WDFY4: variants seen among roughly 807,000 people sequenced by gnomAD.
WDFY4 encodes the protein WD repeat- and FYVE domain-containing protein 4.
WDFY4 carries 169 observed loss-of-function variants against 351.9 expected under a neutral mutation model. The ratio of observed to expected loss-of-function variants is 0.48; its 90% CI spans 0.42 to 0.55. The LOEUF is 0.55. WDFY4 is among the 20% of genes least tolerant of loss of function. The probability of loss-of-function intolerance (pLI) is 0.00; values close to 1 mark genes in which losing one functional copy is unlikely to be tolerated. For missense variants in WDFY4, 3,803 were observed against 3,935.6 expected, an observed-to-expected ratio of 0.97 and a Z score of 0.90; for synonymous variants, 1,622 against 1,574.6, an observed-to-expected ratio of 1.03 and a Z score of -0.71.
chr10:48,787,893 C>CCTTCTT lies in WDFY4; in HGVS notation c.3809-550_3809-545dup, dbSNP rs1182060101. Among the ~76,000 whole-genome samples the CCTTCTT allele has an allele frequency of 2.3e-3, 112 of 48,092 alleles. 1 individual carries two copies. Among genetic ancestry groups the CCTTCTT allele is most frequent in the Middle Eastern group, 9.3e-3 (1 of 108 alleles). The allele number at this position is 48,092 out of a possible 152,430, so 31.6% of individuals were successfully genotyped here. A position where few individuals can be genotyped will look rare whatever the true frequency, so the allele number is the denominator to read the frequency against. On this transcript the variant is annotated intron_variant, in intron 20 of 61. Coordinates refer to ENST00000325239, the MANE Select transcript of WDFY4 (RefSeq NM_001394531.1). ...TTTCTTCTTTCTTTCTTCTTCTTCT[C>CCTTCTT]CTTCTTCTTCTTCTTCTTCTTCTTC...
At position 48,776,956 on chromosome 10, in the gene WDFY4, G is replaced by A; in HGVS notation, c.3070G>A (p.Glu1024Lys). 1.3e-6 allele frequency: 2 copies of A among 1,552,366 alleles called. No homozygotes were observed. The highest frequency in any genetic ancestry group is 1.7e-6 in the Non-Finnish European group (2 of 1,147,134). The stretch of plus-strand genomic sequence containing the variant: ...GGCAGCCCTGGCCCCATCGTTTGTG[G>A]AATTTGACATGTCCGTGGAAGGTTA... ...QRAALAPSFV[E>K]FDMSVEGYGC... Residue 1024 changes from glutamate to lysine, a missense_variant, in exon 16 of 62, where the codon GAA becomes AAA. Glu to Lys is a moderately conservative substitution (Grantham distance 56). This residue lies in a region of WDFY4 where 3,054 missense variants were observed against 3,148.6 expected (regional missense o/e 0.97). Coordinates refer to ENST00000325239, the MANE Select transcript of WDFY4 (RefSeq NM_001394531.1).
intron 1 of WDFY4, 50 bp from the exon 2 acceptor site, chr10:48,709,666 T>C (rs1670510414): frequency 4.1e-6 from 6 of 1,480,122 alleles, no homozygotes; most frequent in Non-Finnish European, 5.5e-6. Context: ...GCCAGAATCA[T>C]CAGGAAGTGA....
intron 40 of WDFY4, among the ~76,000 whole-genome samples, chr10:48,868,004 G>A (rs570061548): frequency 2.6e-5 from 4 of 152,184 alleles, no homozygotes; most frequent in Admixed American, 1.3e-4. Flanking sequence ...ACAATACATG[G>A]TGATGAGCTC....
intron 49 of WDFY4, 69 bp downstream of exon 49, chr10:48,943,518 C>T (rs1176129280): frequency 2.0e-5 from 30 of 1,490,504 alleles, no homozygotes; most frequent in Admixed American, 1.7e-4. Flanking sequence ...GACCCTAAGT[C>T]AGCATGCAGA....
intron 13 of WDFY4, among the ~76,000 whole-genome samples, chr10:48,772,576 AG>A (rs2065902903): frequency 1.4e-5 from 1 of 70,188 alleles, no homozygotes; most frequent in South Asian, 4.7e-4. Flanking sequence ...TTTAAGTTTT[AG>A]GGTACATGTG....
At position 48,830,686 on chromosome 10, in the gene WDFY4, G is replaced by A; in HGVS notation, c.6341-14G>A. The A allele has an allele frequency of 1.9e-6, 3 of 1,548,342 alleles. No individual in the cohort carries two copies. The highest frequency in any genetic ancestry group is 1.4e-5 in the African/African-American group (1 of 73,100). On this transcript the variant is annotated splice_polypyrimidine_tract_variant and intron_variant, in intron 37 of 61. Coordinates refer to ENST00000325239, the MANE Select transcript of WDFY4 (RefSeq NM_001394531.1). The stretch of plus-strand genomic sequence containing the variant: ...TGAGGCCATCCTGAGTGTGCCATGT[G>A]CTCTCTCTGCTAGTCCAACACAACA...
chr10:48,705,131 C>T (rs373093514), intron 1 of WDFY4, among the ~76,000 whole-genome samples: 51 of 152,284 alleles, frequency 3.3e-4, no homozygotes, highest in African/African-American at 5.8e-4. Context: ...AAGGTCCAGA[C>T]GTGGTGTCTG....
rs1182965291 is a variant in WDFY4, at chr10:48,830,894, C to T, written c.6526+9C>T. On this transcript the variant is annotated intron_variant, in intron 38 of 61. Coordinates refer to ENST00000325239, the MANE Select transcript of WDFY4 (RefSeq NM_001394531.1). ...CTGGCAGCATTACTTAGGTCTCTAT[C>T]CACTCGGCTCCAGGGAATGGGAACT... is the stretch of plus-strand genomic sequence containing the variant. The T allele has an allele frequency of 4.5e-6, 7 of 1,546,926 alleles. No individual in the cohort carries two copies. The highest frequency in any genetic ancestry group is 1.7e-6 in the Non-Finnish European group (2 of 1,143,656).
intron 49 of WDFY4, among the ~76,000 whole-genome samples, chr10:48,944,361 C>T (rs1330616850): frequency 2.0e-5 from 3 of 152,228 alleles, no homozygotes; most frequent in Admixed American, 1.3e-4. Flanking sequence ...CCCTGCGCCC[C>T]AGCAGGCAGG....
chr10:48,889,713 A>G (rs2070613207), intron 43 of WDFY4, among the ~76,000 whole-genome samples: 1 of 152,164 alleles, frequency 6.6e-6, no homozygotes, highest in Non-Finnish European at 1.5e-5. Context: ...ATACCAAGAT[A>G]TTGTCATGGG....
intron 47 of WDFY4, chr10:48,910,987 G>A (rs1359977477): frequency 1.2e-5 from 10 of 802,704 alleles, no homozygotes; most frequent in African/African-American, 1.9e-5. Context: ...GTCTGAAGGG[G>A]GAGAAATTGA....
chr10:48,915,591 T>C (rs1380840108), intron 47 of WDFY4, among the ~76,000 whole-genome samples: 2 of 152,168 alleles, frequency 1.3e-5, no homozygotes, highest in Admixed American at 6.5e-5. Context: ...ACATGAATAT[T>C]GAGCAATCAG....
chr10:48,816,603 T>C (rs958557291), intron 31 of WDFY4, among the ~76,000 whole-genome samples: 1 of 152,228 alleles, frequency 6.6e-6, no homozygotes, highest in Non-Finnish European at 1.5e-5. Context: ...GTATATTTTC[T>C]GTATGGAGCA....
rs57430282 is a variant in WDFY4, at chr10:48,708,866, T to G, written c.-17-850T>G. Among the ~76,000 whole-genome samples the G allele has an allele frequency of 2.5e-3, 375 of 152,306 alleles. 10 individuals carry two copies. The East Asian group carries it at 0.048, about 20-fold the overall frequency. On this transcript the variant is annotated intron_variant, in intron 1 of 61. Transcript: ENST00000325239. ...AATGCTTAGAATGAGGAATCTATCC[T>G]TACAGACCCATCATAGAAGGAAGTT...
intron 43 of WDFY4, chr10:48,877,881 C>G (rs954117265): frequency 1.3e-5 from 2 of 152,344 alleles, no homozygotes; most frequent in African/African-American, 2.4e-5. Flanking sequence ...AAGGACCCCT[C>G]TTCCCCAAGT....
chr10:48,740,515 C>T (rs1453268047), intron 11 of WDFY4, among the ~76,000 whole-genome samples: 1 of 152,214 alleles, frequency 6.6e-6, no homozygotes, highest in Non-Finnish European at 1.5e-5. Flanking sequence ...AGGCCTTGCC[C>T]AACTTAAGCC....
intron 47 of WDFY4, among the ~76,000 whole-genome samples, chr10:48,929,910 C>T (rs1839887685): frequency 6.6e-6 from 1 of 152,164 alleles, no homozygotes. Flanking sequence ...CCTTCCCCCA[C>T]ACACTGATGC....
intron 61 of WDFY4, among the ~76,000 whole-genome samples, chr10:48,981,923 G>A (rs1017689168): frequency 1.3e-5 from 2 of 152,166 alleles, no homozygotes; most frequent in African/African-American, 2.4e-5. Context: ...CTTCATACCC[G>A]TTATTTGACT....
In WDFY4 at chr10:48,982,507, A is replaced by G. The variant is rs1403889268; in HGVS notation, c.9489-2A>G. 6.6e-7 allele frequency: 1 copy of G among 1,510,318 alleles called. No homozygotes were observed. Among genetic ancestry groups the G allele is most frequent in the Admixed American group, 2.2e-5 (1 of 45,104 alleles). 93.6% of individuals were successfully genotyped at this position (1,510,318 alleles called of 1,614,324 possible). ...TTCTTGTCTTTTCTTTCTCTTCCCA[A>G]GAAACCACACCAAACTCCTGGTTGG... On this transcript the variant is annotated splice_acceptor_variant, in intron 61 of 61. Coordinates refer to ENST00000325239, the MANE Select transcript of WDFY4 (RefSeq NM_001394531.1). LOFTEE classifies it high-confidence loss of function.
Sources: gnomAD v4.1 joint callset for allele counts (sites outside exome capture counted in the v4.1 genomes callset) on GRCh38, gnomAD v4.1.1 for gene constraint, gnomAD v4.1.1 regional missense constraint, MANE v1.5 for transcripts, NCBI Gene and HGNC (gene_info 2026-07-23, HGNC 2026-07-21) for gene names.